Variants in CNTN4 observed in about 807,000 individuals in gnomAD.
CNTN4 encodes the protein contactin-4.
CNTN4 carries 77 observed loss-of-function variants against 122.5 expected under a neutral mutation model. The observed-to-expected ratio is 0.63, with a 90% CI of 0.52 to 0.76. CNTN4 has a LOEUF of 0.76. Among genes scored for constraint, CNTN4 ranks in the 30% least tolerant of loss-of-function variants. CNTN4 has a pLI of 0.00. For synonymous variants in CNTN4, 512 were observed against 447.0 expected, an observed-to-expected ratio of 1.15 and a Z score of -1.83; for missense variants, 1,256 against 1,259.1, an observed-to-expected ratio of 1.00 and a Z score of 0.04.
chr3:2,235,076 GAACT>G (rs2039630014), intron 2 of CNTN4, among the ~76,000 whole-genome samples: 1 of 152,080 alleles, frequency 6.6e-6, no homozygotes, highest in Non-Finnish European at 1.5e-5. Context: ...AGCTTACTCA[GAACT>G]AACAAAAGAA....
intron 15 of CNTN4, 72 bp from the exon 16 acceptor site, chr3:3,030,783 T>G: frequency 2.7e-6 from 4 of 1,506,518 alleles, no homozygotes; most frequent in Non-Finnish European, 2.8e-6. Flanking sequence ...TTAGTCACCG[T>G]GTCCTTCATG....
At position 3,035,179 on chromosome 3, in the gene CNTN4, G is replaced by A. The variant is rs887751057; in HGVS notation, c.1942+389G>A. 1.7e-4 allele frequency among the ~76,000 whole-genome samples: 26 copies of A among 151,740 alleles called. 1 individual carries two copies. Among genetic ancestry groups the A allele is most frequent in the African/African-American group, 4.1e-4 (17 of 41,378 alleles). On this transcript the variant is annotated intron_variant, in intron 17 of 24. Coordinates refer to ENST00000418658, the MANE Select transcript of CNTN4 (RefSeq NM_175607.3). ...AAAAATTAGCCTGGCATGGTGGTGCGTGCCTGCAGTCCTAGCAACTCAGGA... is the reference window on the plus strand; with the variant it reads ...AAAAATTAGCCTGGCATGGTGGTGCATGCCTGCAGTCCTAGCAACTCAGGA...
rs546375478 is a variant in CNTN4, at chr3:2,414,978, T to C, written c.-89+75745T>C. Among the ~76,000 whole-genome samples, 6 of 152,336 alleles carry C rather than the reference T, an allele frequency of 3.9e-5. No individual in the cohort carries two copies. In the East Asian group the frequency reaches 1.2e-3, roughly 29 times the overall value. ...CAAAACTCTTCTGATATTTCAAAAT[T>C]GGGAAGCAGTTTCCTTTCCATGTAA... On this transcript the variant is annotated intron_variant, in intron 3 of 24. Coordinates refer to ENST00000418658, the MANE Select transcript of CNTN4 (RefSeq NM_175607.3).
chr3:2,378,405 T>C (rs1479478579), intron 3 of CNTN4, among the ~76,000 whole-genome samples: 1 of 152,128 alleles, frequency 6.6e-6, no homozygotes, highest in East Asian at 1.9e-4. Context: ...CTCACACTGG[T>C]TAGAAGTCAG....
chr3:2,352,475 C>T (rs1206018755), intron 3 of CNTN4, among the ~76,000 whole-genome samples: 1 of 152,186 alleles, frequency 6.6e-6, no homozygotes, highest in Non-Finnish European at 1.5e-5. Context: ...TCCACGGGCC[C>T]CACACTCAGA....
intron 3 of CNTN4, among the ~76,000 whole-genome samples, chr3:2,551,602 AT>A (rs1397568095): frequency 6.6e-6 from 1 of 152,202 alleles, no homozygotes; most frequent in African/African-American, 2.4e-5. Context: ...AGCCCTAATG[AT>A]TTTTGAAAAT....
intron 4 of CNTN4, among the ~76,000 whole-genome samples, chr3:2,616,652 C>T (rs1460265520): frequency 6.6e-6 from 1 of 152,096 alleles, no homozygotes; most frequent in Non-Finnish European, 1.5e-5. Flanking sequence ...TGTTTCTTGA[C>T]TTTTTAATAA....
chr3:2,182,880 C>G (rs1309316674), intron 2 of CNTN4, among the ~76,000 whole-genome samples: 1 of 150,688 alleles, frequency 6.6e-6, no homozygotes, highest in Non-Finnish European at 1.5e-5. Flanking sequence ...AATGACTGTT[C>G]CTAACAGCAG....
chr3:2,915,734 AGAG>A (rs918974799), intron 12 of CNTN4, among the ~76,000 whole-genome samples: 16 of 152,344 alleles, frequency 1.1e-4, no homozygotes, highest in African/African-American at 3.6e-4. Context: ...AGCATCCTGA[AGAG>A]AGATTTGCAC....
intron 2 of CNTN4, among the ~76,000 whole-genome samples, chr3:2,191,310 A>G (rs1014171824): frequency 6.2e-4 from 94 of 151,512 alleles, no homozygotes; most frequent in African/African-American, 2.2e-3. Flanking sequence ...GATTATTCTC[A>G]AGTTTACCCA....
At chr3:2,126,875 G>C (rs2034200540) in intron 2 of CNTN4, among the ~76,000 whole-genome samples, 1 of 152,156 alleles carries the variant, frequency 6.6e-6, no homozygotes, top group African/African-American at 2.4e-5. Flanking sequence ...CCACATGGGA[G>C]ATTCTGATGT....
At chr3:2,239,027 GCT>G (rs2039819713) in intron 2 of CNTN4, 1 of 151,934 alleles carries the variant, frequency 6.6e-6, no homozygotes, top group East Asian at 1.9e-4. Flanking sequence ...GCCCGGCCTG[GCT>G]CTGTTTTTAT....
At chr3:2,953,534 G>T (rs771357713) in intron 13 of CNTN4, among the ~76,000 whole-genome samples, 104 of 151,486 alleles carry the variant, frequency 6.9e-4, no homozygotes, top group Non-Finnish European at 1.3e-3. Context: ...ACAGTTTTTG[G>T]GCCTTTTTTG....
At chr3:2,849,102 A>G (rs2093503393) in intron 7 of CNTN4, among the ~76,000 whole-genome samples, 1 of 152,222 alleles carries the variant, frequency 6.6e-6, no homozygotes, top group African/African-American at 2.4e-5. Context: ...TGAGAGGTGT[A>G]TACCATGTAC....
chr3:2,871,005 C>G (rs2093778059), intron 8 of CNTN4, among the ~76,000 whole-genome samples: 1 of 152,120 alleles, frequency 6.6e-6, no homozygotes, highest in African/African-American at 2.4e-5. Flanking sequence ...GCTCCCTGTT[C>G]CCTTTTCCCC....
intron 4 of CNTN4, among the ~76,000 whole-genome samples, chr3:2,717,730 T>C (rs80110308): frequency 0.038 from 5,832 of 152,286 alleles, 153 homozygotes; most frequent in Non-Finnish European, 0.056. Context: ...GGCCATAGTA[T>C]CTACACTATT....
intron 3 of CNTN4, among the ~76,000 whole-genome samples, chr3:2,533,092 G>T (rs2077659912): frequency 6.7e-6 from 1 of 149,188 alleles, no homozygotes; most frequent in East Asian, 2.0e-4. Context: ...CTGGACTTTG[G>T]CTACTTTCTC....
chr3:2,319,883 C>T (rs2043224658), intron 2 of CNTN4, among the ~76,000 whole-genome samples: 1 of 152,010 alleles, frequency 6.6e-6, no homozygotes, highest in Non-Finnish European at 1.5e-5. Context: ...TTTTCAAGTC[C>T]CTCATTTGTA....
intron 3 of CNTN4, among the ~76,000 whole-genome samples, chr3:2,352,798 AG>A (rs1214203218): frequency 6.6e-6 from 1 of 152,202 alleles, no homozygotes; most frequent in Admixed American, 6.5e-5. Flanking sequence ...GGTGGGCAGC[AG>A]GGGATCTACT....
Sources: gnomAD v4.1 joint callset for allele counts (sites outside exome capture counted in the v4.1 genomes callset) on GRCh38, gnomAD v4.1.1 for gene constraint, MANE v1.5 for transcripts, NCBI Gene and HGNC (gene_info 2026-07-23, HGNC 2026-07-21) for gene names.